The following DLGAP2 variants were observed in gnomAD, a reference collection of about 807,000 sequenced individuals.
DLGAP2 encodes the protein disks large-associated protein 2.
DLGAP2 carries 26 observed loss-of-function variants against 100.3 expected under a neutral mutation model. The ratio of observed to expected loss-of-function variants is 0.26; its 90% CI spans 0.19 to 0.36. The LOEUF (loss-of-function observed/expected upper bound fraction) is 0.36, where lower values mean the gene tolerates loss of function less well. Ranked by LOEUF, DLGAP2 falls within the 10% of genes least tolerant of loss-of-function variation. The pLI is 1.00. For missense variants in DLGAP2, 1,858 were observed against 1,453.2 expected (o/e 1.28, Z -4.53); for synonymous variants, 886 against 630.1 (o/e 1.41, Z -6.08).
At chr8:914,852 A>G (rs1470800935) in intron 2 of DLGAP2, among the ~76,000 whole-genome samples, 1 of 152,150 alleles carries the variant, frequency 6.6e-6, no homozygotes, top group African/African-American at 2.4e-5. Context: ...AATTCCTGGG[A>G]CCTTTCTGTG....
At chr8:953,037 T>A (rs1799517524) in intron 2 of DLGAP2, among the ~76,000 whole-genome samples, 1 of 152,218 alleles carries the variant, frequency 6.6e-6, no homozygotes, top group African/African-American at 2.4e-5. Context: ...CACTGAATTA[T>A]GCAGGTCTTC....
intron 3 of DLGAP2, among the ~76,000 whole-genome samples, chr8:1,304,935 A>C (rs529134248): frequency 6.6e-6 from 1 of 152,210 alleles, no homozygotes; most frequent in Admixed American, 6.5e-5. Context: ...TGCATAAGGT[A>C]ATCATATATA....
chr8:1,470,135 C>T (rs1197511909), intron 3 of DLGAP2, among the ~76,000 whole-genome samples: 2 of 152,154 alleles, frequency 1.3e-5, no homozygotes, highest in African/African-American at 4.8e-5. Flanking sequence ...GCACTGCAGC[C>T]TGGGTGACAG....
intron 4 of DLGAP2, among the ~76,000 whole-genome samples, chr8:1,534,683 C>A: frequency 6.6e-6 from 1 of 152,046 alleles, no homozygotes; most frequent in African/African-American, 2.4e-5. Flanking sequence ...GATTTTTTGT[C>A]CATCTCGCTA....
chr8:1,567,073 G>C (rs1802434059), intron 6 of DLGAP2, among the ~76,000 whole-genome samples: 3 of 152,190 alleles, frequency 2.0e-5, no homozygotes, highest in East Asian at 3.9e-4. Context: ...GAAGCTCTTA[G>C]ACTTGTTGGA....
intron 3 of DLGAP2, among the ~76,000 whole-genome samples, chr8:1,431,706 C>T (rs2129994169): frequency 6.6e-6 from 1 of 152,308 alleles, no homozygotes; most frequent in African/African-American, 2.4e-5. Context: ...GGCACTGGCT[C>T]CCGGGCTTAC....
chr8:1,412,441 A>T (rs146098109), intron 3 of DLGAP2, among the ~76,000 whole-genome samples: 1 of 152,204 alleles, frequency 6.6e-6, no homozygotes, highest in African/African-American at 2.4e-5. Flanking sequence ...TGCTAAATGC[A>T]TGCATGCATC....
At chr8:1,451,511 C>G (rs1798158802) in intron 3 of DLGAP2, among the ~76,000 whole-genome samples, 1 of 109,990 alleles carries the variant, frequency 9.1e-6, no homozygotes, top group South Asian at 3.9e-4. Context: ...CAGCACCACC[C>G]CTGGTCCCAT....
At chr8:816,843 T>G (rs1474077667) in intron 1 of DLGAP2, among the ~76,000 whole-genome samples, 2 of 152,228 alleles carry the variant, frequency 1.3e-5, no homozygotes, top group East Asian at 3.8e-4. Flanking sequence ...TCTTCTTCTC[T>G]GGAAACAATT....
intron 3 of DLGAP2, among the ~76,000 whole-genome samples, chr8:1,382,976 A>G (rs560422537): frequency 1.8e-4 from 28 of 152,316 alleles, no homozygotes; most frequent in African/African-American, 6.7e-4. Flanking sequence ...TATACTTACT[A>G]TGTTAATTAA....
chr8:1,066,383 G>C (rs7000148), intron 2 of DLGAP2, among the ~76,000 whole-genome samples: 59,259 of 137,790 alleles, frequency 0.43, 12,397 homozygotes, highest in African/African-American at 0.51. Flanking sequence ...TTCCCCACCA[G>C]GATCAGGTCT....
chr8:1,543,663 C>T (rs1363139588), intron 4 of DLGAP2, among the ~76,000 whole-genome samples: 1 of 152,180 alleles, frequency 6.6e-6, no homozygotes, highest in Admixed American at 6.5e-5. Context: ...TCTCAGGACC[C>T]ATTGCATTTC....
At chr8:1,047,028 T>G (rs1439334729) in intron 2 of DLGAP2, among the ~76,000 whole-genome samples, 1 of 152,212 alleles carries the variant, frequency 6.6e-6, no homozygotes, top group Non-Finnish European at 1.5e-5. Context: ...TCATTTCTAG[T>G]AAACATTCAG....
At chr8:1,558,059 C>T (rs192726683) in intron 5 of DLGAP2, among the ~76,000 whole-genome samples, 14 of 152,316 alleles carry the variant, frequency 9.2e-5, no homozygotes, top group Middle Eastern at 6.8e-3. Context: ...CTGGCACCTC[C>T]TGGCAGGTTG....
chr8:1,607,674 T>C (rs1452918063), intron 6 of DLGAP2, among the ~76,000 whole-genome samples: 1 of 152,044 alleles, frequency 6.6e-6, no homozygotes, highest in Admixed American at 6.5e-5. Context: ...CGCAGGCCAG[T>C]GGGTGCGCGC....
intron 1 of DLGAP2, among the ~76,000 whole-genome samples, chr8:757,169 C>A (rs1279409485): frequency 6.6e-6 from 1 of 152,178 alleles, no homozygotes; most frequent in Non-Finnish European, 1.5e-5. Context: ...CCATCTAACT[C>A]CCTTTCTGCT....
At chr8:1,290,369 A>G (rs1293466720) in intron 3 of DLGAP2, among the ~76,000 whole-genome samples, 1 of 152,232 alleles carries the variant, frequency 6.6e-6, no homozygotes, top group African/African-American at 2.4e-5. Context: ...TGGTGCCTAC[A>G]TAGTGACGGC....
chr8:1,482,706 C>G (rs1205405424), intron 3 of DLGAP2, among the ~76,000 whole-genome samples: 1 of 152,224 alleles, frequency 6.6e-6, no homozygotes, highest in East Asian at 1.9e-4. Flanking sequence ...CCTCACCTGA[C>G]CTGGGATGCG....
At chr8:905,279 G>C (rs912395298) in intron 1 of DLGAP2, among the ~76,000 whole-genome samples, 18 of 152,120 alleles carry the variant, frequency 1.2e-4, no homozygotes, top group Non-Finnish European at 2.5e-4. Context: ...CTGCTGGTCA[G>C]TGCTGCTAGG....
Sources: allele counts gnomAD v4.1 joint callset (sites outside exome capture counted in the v4.1 genomes callset), GRCh38; gene constraint gnomAD v4.1.1; transcripts MANE v1.5; gene names NCBI Gene and HGNC (gene_info 2026-07-23, HGNC 2026-07-21).